FAM91A1: variants seen among roughly 807,000 people sequenced by gnomAD.
FAM91A1 encodes family with sequence similarity 91 member A1.
In FAM91A1, 41 loss-of-function variants were observed where a neutral mutation model predicts 113.5. The ratio of observed to expected loss-of-function variants is 0.36; its 90% CI spans 0.28 to 0.47. The LOEUF (loss-of-function observed/expected upper bound fraction) is 0.47, where lower values mean the gene tolerates loss of function less well. Ranked by LOEUF, FAM91A1 falls within the 20% of genes least tolerant of loss-of-function variation. The probability of loss-of-function intolerance (pLI) is 1.00; values close to 1 mark genes in which losing one functional copy is unlikely to be tolerated. For synonymous variants in FAM91A1, 307 were observed against 347.9 expected, an observed-to-expected ratio of 0.88 and a Z score of 1.31; for missense variants, 696 against 1,001.2, an observed-to-expected ratio of 0.70 and a Z score of 4.11.
In FAM91A1 at chr8:123,814,044, G is replaced by A; in HGVS notation, c.*1340G>A. The A allele has an allele frequency of 3.4e-6, 1 of 294,378 alleles. No individual in the cohort carries two copies. Among genetic ancestry groups the A allele is most frequent in the Non-Finnish European group, 6.6e-6 (1 of 152,050 alleles). 18.2% of individuals were successfully genotyped at this position (294,378 alleles called of 1,614,324 possible). A position where few individuals can be genotyped will look rare whatever the true frequency, so the allele number is the denominator to read the frequency against. Reference sequence around the variant, plus strand: ...TATGCCTTTCCTAAAACTTAACCATGCATTCAATACCATGGCCTATCTATA... The same window carrying A: ...TATGCCTTTCCTAAAACTTAACCATACATTCAATACCATGGCCTATCTATA... On this transcript the variant is annotated 3_prime_UTR_variant, in exon 24 of 24. Coordinates refer to ENST00000334705, the MANE Select transcript of FAM91A1 (RefSeq NM_144963.4).
chr8:123,798,020 T>C lies in FAM91A1; in HGVS notation c.1412-70T>C. On this transcript the variant is annotated intron_variant, in intron 15 of 23. Transcript: ENST00000334705. The stretch of plus-strand genomic sequence containing the variant: ...TAAAATCTTAAGTCAGTTATCAATA[T>C]TGCATCTTCAACATTTTTGTTTCAC... 9 of 1,498,256 alleles carry C rather than the reference T, an allele frequency of 6.0e-6. No homozygotes were observed. The South Asian group carries it at 1.0e-4, about 17-fold the overall frequency. The allele number at this position is 1,498,256 out of a possible 1,614,324, so 92.8% of individuals were successfully genotyped here.
rs774534378 is a variant in FAM91A1, at chr8:123,775,238, G to A, written c.249G>A (p.Ser83=). ...DHLMLYPYHL[S]DIMVKGLRIT... is the part of the protein sequence containing the mutation. ...TCATGCTGTACCCTTACCATCTATC[G>A]GATATTATGGTGAAAGGCTTGAGGA... Residue 83 remains serine, a synonymous_variant, in exon 3 of 24, where the codon TCG becomes TCA. Transcript: ENST00000334705. 28 of 1,613,772 alleles carry A rather than the reference G, an allele frequency of 1.7e-5. No individual in the cohort carries two copies. The highest frequency in any genetic ancestry group is 1.6e-4 in the Middle Eastern group (1 of 6,082).
intron 19 of FAM91A1, 118 bp downstream of exon 19, chr8:123,805,457 T>G: frequency 4.8e-6 from 4 of 828,390 alleles, no homozygotes; most frequent in Non-Finnish European, 7.5e-6. Context: ...TCTAGGTTCT[T>G]TGCTACTAAA....
At chr8:123,796,888 C>T (rs1488892309) in intron 15 of FAM91A1, among the ~76,000 whole-genome samples, 1 of 151,358 alleles carries the variant, frequency 6.6e-6, no homozygotes, top group Non-Finnish European at 1.5e-5. Context: ...ATGGTGAAAC[C>T]TGTCTCTACT....
intron 15 of FAM91A1, among the ~76,000 whole-genome samples, chr8:123,795,377 A>C (rs1163180076): frequency 1.3e-5 from 2 of 150,184 alleles, no homozygotes. Flanking sequence ...TTAACACACC[A>C]CCCCCCGCCC....
rs933893260 is a variant in FAM91A1, at chr8:123,813,604, G to A, written c.*900G>A. 2.2e-4 allele frequency: 33 copies of A among 152,262 alleles called. No homozygotes were observed. The highest frequency in any genetic ancestry group is 8.0e-4 in the African/African-American group (33 of 41,444). The allele number at this position is 152,262 out of a possible 1,614,324, so 9.4% of individuals were successfully genotyped here. A position where few individuals can be genotyped will look rare whatever the true frequency, so the allele number is the denominator to read the frequency against. On this transcript the variant is annotated 3_prime_UTR_variant, in exon 24 of 24. Coordinates refer to ENST00000334705, the MANE Select transcript of FAM91A1 (RefSeq NM_144963.4). ...TAAGACTATGTCTTTGGATCAGAATGCTTTAGTGATAAACCTACTTTGAAG... is the reference window on the plus strand; with the variant it reads ...TAAGACTATGTCTTTGGATCAGAATACTTTAGTGATAAACCTACTTTGAAG...
chr8:123,798,148 C>T lies in FAM91A1; in HGVS notation c.1470C>T (p.Cys490=), dbSNP rs1815580154. The change falls in exon 16 of 24, where the codon TGC becomes TGT. Residue 490 remains cysteine (C), a synonymous_variant. Transcript: ENST00000334705. ...ESLLGLDPAT[C]SRVLNKNYTL... is the part of the protein sequence containing the mutation. ...TTCTTGGTTTGGACCCTGCAACTTGCAGCAGAGTTCTAAACAAAAATTACA... is the reference window on the plus strand; with the variant it reads ...TTCTTGGTTTGGACCCTGCAACTTGTAGCAGAGTTCTAAACAAAAATTACA... 1 of 1,613,976 alleles carries T rather than the reference C, an allele frequency of 6.2e-7. No homozygotes were observed. Among genetic ancestry groups the T allele is most frequent in the South Asian group, 1.1e-5 (1 of 91,076 alleles).
intron 18 of FAM91A1, among the ~76,000 whole-genome samples, chr8:123,804,070 A>G (rs2130145610): frequency 6.6e-6 from 1 of 152,382 alleles, no homozygotes; most frequent in South Asian, 2.1e-4. Flanking sequence ...TATTAATTGA[A>G]TGTGATAGAT....
chr8:123,790,535 G>A (rs541822010), intron 15 of FAM91A1, among the ~76,000 whole-genome samples: 19 of 152,270 alleles, frequency 1.2e-4, no homozygotes, highest in African/African-American at 3.9e-4. Flanking sequence ...CCACTATAAC[G>A]TTTAATTTTG....
chr8:123,806,503 A>G (rs770591297), intron 20 of FAM91A1, among the ~76,000 whole-genome samples: 2 of 152,162 alleles, frequency 1.3e-5, no homozygotes, highest in Non-Finnish European at 2.9e-5. Context: ...GGTTAGCTTT[A>G]TAGGGTGATG....
intron 8 of FAM91A1, among the ~76,000 whole-genome samples, chr8:123,783,843 C>G (rs1815183994): frequency 6.6e-6 from 1 of 152,136 alleles, no homozygotes; most frequent in African/African-American, 2.4e-5. Context: ...GTTGGGCTGC[C>G]CACTGTGCTA....
At chr8:123,772,456 T>C (rs1014281444) in intron 1 of FAM91A1, among the ~76,000 whole-genome samples, 3 of 152,198 alleles carry the variant, frequency 2.0e-5, no homozygotes. Context: ...GCATTGATGC[T>C]ACGAAGAGGA....
rs932591285 is a variant in FAM91A1 at position 123,775,079 on chromosome 8, G to A, written c.158-68G>A. 53 of 1,388,756 alleles carry A rather than the reference G, an allele frequency of 3.8e-5. No individual in the cohort carries two copies. The South Asian group carries it at 7.5e-4, about 20-fold the overall frequency. 86.0% of individuals were successfully genotyped at this position (1,388,756 alleles called of 1,614,324 possible). On this transcript the variant is annotated intron_variant, in intron 2 of 23. Transcript: ENST00000334705. ...TTTTAAATTACTGTTGGTTTGTAAA[G>A]TGTTCATAGTTAATATATAACTATA...
At chr8:123,807,967 A>G (rs867747299) in intron 20 of FAM91A1, among the ~76,000 whole-genome samples, 1 of 152,278 alleles carries the variant, frequency 6.6e-6, no homozygotes, top group Middle Eastern at 3.4e-3. Context: ...TCTTTAGGTC[A>G]GGGTTTCTCA....
chr8:123,773,393 G>C (rs1407650955), intron 1 of FAM91A1, among the ~76,000 whole-genome samples: 1 of 152,196 alleles, frequency 6.6e-6, no homozygotes, highest in African/African-American at 2.4e-5. Context: ...ATTAAATTAA[G>C]TTTATGGTCT....
Position 123,787,247 on chromosome 8 carries a change from A to G in FAM91A1, c.1079-14A>G, listed in dbSNP as rs1234502929. 6 of 1,570,978 alleles carry G rather than the reference A, an allele frequency of 3.8e-6. No individual in the cohort carries two copies. The highest frequency in any genetic ancestry group is 5.2e-6 in the Non-Finnish European group (6 of 1,147,478). ...ATTTCCATTTACTTGATTTTAAATTATGGTGTTTTTCAGCTGACACAGCCA... is the reference window on the plus strand; with the variant it reads ...ATTTCCATTTACTTGATTTTAAATTGTGGTGTTTTTCAGCTGACACAGCCA... On this transcript the variant is annotated splice_polypyrimidine_tract_variant and intron_variant, in intron 12 of 23. Coordinates refer to ENST00000334705, the MANE Select transcript of FAM91A1 (RefSeq NM_144963.4).
At chr8:123,789,225 G>A (rs1815325887) in intron 14 of FAM91A1, among the ~76,000 whole-genome samples, 1 of 152,156 alleles carries the variant, frequency 6.6e-6, no homozygotes, top group African/African-American at 2.4e-5. Flanking sequence ...CTTGTAACTG[G>A]TAATACAGAA....
At chr8:123,781,755 GATT>G (rs1026464686) in intron 8 of FAM91A1, among the ~76,000 whole-genome samples, 10 of 152,166 alleles carry the variant, frequency 6.6e-5, no homozygotes, top group African/African-American at 2.4e-4. Flanking sequence ...AAAGTGCTGG[GATT>G]ACAGGCGTGA....
Position 123,808,306 on chromosome 8 carries a change from T to C in FAM91A1, c.2067T>C (p.Asn689=), listed in dbSNP as rs199734667. Residue 689 remains asparagine (N), a synonymous_variant, in exon 21 of 24, where the codon AAT becomes AAC. Transcript: ENST00000334705. The part of the protein sequence containing the change: ...EPDLASGSDV[N]GSTESFEMVI... The stretch of plus-strand genomic sequence containing the variant: ...ATTTGGCTTCTGGCTCAGATGTAAA[T>C]GGGAGTACAGAGTCATTTGAAATGG... 12 of 1,613,262 alleles carry C rather than the reference T, an allele frequency of 7.4e-6. No homozygotes were observed. In the South Asian group the frequency reaches 1.2e-4, roughly 16 times the overall value.
Sources: gnomAD v4.1 joint callset for allele counts (sites outside exome capture counted in the v4.1 genomes callset) on GRCh38, gnomAD v4.1.1 for gene constraint, MANE v1.5 for transcripts, NCBI Gene and HGNC (gene_info 2026-07-23, HGNC 2026-07-21) for gene names.